Variants in URB1 observed in about 807,000 individuals in gnomAD.
URB1 encodes nucleolar pre-ribosomal-associated protein 1.
Under a neutral mutation model 242.3 loss-of-function variants are expected in URB1, and 197 were observed. That is an observed-to-expected ratio of 0.81 (90% CI 0.72 to 0.91). The LOEUF (loss-of-function observed/expected upper bound fraction) is 0.91. Ranked by LOEUF, URB1 falls within the 40% of genes least tolerant of loss-of-function variation. The pLI, the probability that URB1 is intolerant of heterozygous loss-of-function variation, is 0.00. For missense variants in URB1, 2,721 were observed against 2,860.5 expected, an observed-to-expected ratio of 0.95 and a Z score of 1.11; for synonymous variants, 1,153 against 1,201.8, an observed-to-expected ratio of 0.96 and a Z score of 0.84.
intron 4 of URB1, among the ~76,000 whole-genome samples, chr21:32,381,660 T>C (rs1383472389): frequency 6.6e-6 from 1 of 152,212 alleles, no homozygotes; most frequent in African/African-American, 2.4e-5. Context: ...TAATAGATGA[T>C]AGTGAGAAAT....
Position 32,337,103 on chromosome 21 carries a change from A to G in URB1, c.4676T>C (p.Ile1559Thr), listed in dbSNP as rs1408107620. ...RAYEQNKLSL[I>T]NFRVLLWGPA... is the part of the protein sequence containing the mutation. Reference sequence around the variant, plus strand: ...CTAGCCCAACACTCACCTGAAGTTGATGAGGCTGAGCTTGTTCTGCTCATA... The same window carrying G: ...CTAGCCCAACACTCACCTGAAGTTGGTGAGGCTGAGCTTGTTCTGCTCATA... The change falls in exon 28 of 39, where the codon ATC (isoleucine) becomes ACC (threonine). Residue 1559 changes from isoleucine (I) to threonine (T), a missense_variant. Transcript: ENST00000382751. The G allele has an allele frequency of 1.9e-6, 3 of 1,551,872 alleles. 1 individual carries two copies. The East Asian group carries it at 7.3e-5, about 38-fold the overall frequency.
intron 25 of URB1, among the ~76,000 whole-genome samples, chr21:32,341,118 A>G (rs1214306648): frequency 2.0e-5 from 3 of 152,234 alleles, no homozygotes; most frequent in Non-Finnish European, 2.9e-5. Flanking sequence ...TGACGAGACA[A>G]AGCAGAACCT....
intron 18 of URB1, among the ~76,000 whole-genome samples, chr21:32,353,159 C>T (rs1046180720): frequency 6.6e-6 from 1 of 152,164 alleles, no homozygotes; most frequent in Admixed American, 6.5e-5. Flanking sequence ...TGTAAAAGGC[C>T]AGGCAAAAGC....
intron 18 of URB1, among the ~76,000 whole-genome samples, chr21:32,353,714 C>T (rs2833782): frequency 0.22 from 33,663 of 152,142 alleles, 6,197 homozygotes; most frequent in African/African-American, 0.51. Flanking sequence ...TTCAGACTCA[C>T]GCTCAAATGA....
chr21:32,329,495 ATG>A (rs2032869956), intron 30 of URB1, among the ~76,000 whole-genome samples: 1 of 152,200 alleles, frequency 6.6e-6, no homozygotes, highest in Non-Finnish European at 1.5e-5. Flanking sequence ...GCCTTGTGGC[ATG>A]TGTGAATTAT....
Position 32,312,142 on chromosome 21 carries a change from C to T in URB1, c.*2776G>A. 1.3e-6 allele frequency: 2 copies of T among 1,535,378 alleles called. No individual in the cohort carries two copies. The highest frequency in any genetic ancestry group is 2.4e-5 in the South Asian group (2 of 83,712). ...GCAACTAGAGCAGGAGCATCCTATG[C>T]CTTTGACAAAGATTGCAGTGGCCCC... is the stretch of plus-strand genomic sequence containing the variant. On this transcript the variant is annotated 3_prime_UTR_variant, in exon 39 of 39. Coordinates refer to ENST00000382751, the MANE Select transcript of URB1 (RefSeq NM_014825.3).
intron 25 of URB1, among the ~76,000 whole-genome samples, chr21:32,339,775 G>C (rs1426495422): frequency 6.6e-6 from 1 of 152,228 alleles, no homozygotes; most frequent in Non-Finnish European, 1.5e-5. Context: ...ACAGGCGTGA[G>C]CCACTGAGCC....
In URB1 at chr21:32,321,942, T is replaced by C. The variant is rs2032772463; in HGVS notation, c.5343A>G (p.Gln1781=). The C allele has an allele frequency of 6.4e-7, 1 of 1,551,374 alleles. No individual in the cohort carries two copies. Among genetic ancestry groups the C allele is most frequent in the South Asian group, 1.2e-5 (1 of 84,058 alleles). Residue 1781 remains glutamine, a splice_region_variant and synonymous_variant, in exon 34 of 39, where the codon CAA becomes CAG. Transcript: ENST00000382751. ...CAAACACCCACTTCTGCTCTGTTTT[T>C]TGCTATAACCCAGGCACACAAAAAA... ...YQFFYSSDFE[Q]KTEQKWVFGV... is the part of the protein sequence containing the mutation.
intron 30 of URB1, among the ~76,000 whole-genome samples, chr21:32,327,385 T>C (rs1032989031): frequency 6.6e-6 from 1 of 152,140 alleles, no homozygotes; most frequent in Non-Finnish European, 1.5e-5. Context: ...CATCAAAATC[T>C]TTCAAAAGTT....
chr21:32,338,902 T>C lies in URB1; in HGVS notation c.4317-2A>G. ...AATGTGTGGTCCTGGTACCGAAATC[T>C]AGGCGGCGAGAGTCAAAGGGAAAAG... On this transcript the variant is annotated splice_acceptor_variant, in intron 25 of 38. Coordinates refer to ENST00000382751, the MANE Select transcript of URB1 (RefSeq NM_014825.3). LOFTEE classifies it high-confidence loss of function. 1.3e-6 allele frequency: 2 copies of C among 1,532,226 alleles called. No individual in the cohort carries two copies. The highest frequency in any genetic ancestry group is 2.5e-5 in the East Asian group (1 of 40,410). 94.9% of individuals were successfully genotyped at this position (1,532,226 alleles called of 1,614,324 possible). A position where few individuals can be genotyped will look rare whatever the true frequency, so the allele number is the denominator to read the frequency against.
At chr21:32,320,867 C>G (rs1311747026) in intron 34 of URB1, among the ~76,000 whole-genome samples, 3 of 152,178 alleles carry the variant, frequency 2.0e-5, no homozygotes, top group Non-Finnish European at 4.4e-5. Context: ...CCCGGGGATC[C>G]CCACTTCCGT....
At chr21:32,384,180 C>A in intron 3 of URB1, 133 bp downstream of exon 3, 5 of 1,138,910 alleles carry the variant, frequency 4.4e-6, no homozygotes, top group Non-Finnish European at 4.9e-6. Flanking sequence ...GGCAGAGACT[C>A]GGTCACTGTG....
chr21:32,392,810 C>A lies in URB1; in HGVS notation c.101G>T (p.Arg34Leu), dbSNP rs768388177. The change falls in exon 1 of 39, where the codon CGG becomes CTG. Residue 34 changes from arginine (R) to leucine (L), a missense_variant. By Grantham distance (102) the Arg-to-Leu change is moderately radical. Transcript: ENST00000382751. Reference protein sequence around the residue: ...RARKEELTGVRFKAQLKDPQG... With the variant: ...RARKEELTGVLFKAQLKDPQG... ...CGGGTCCTTCAGCTGAGCCTTGAACCGCACGCCCGTGAGCTCTTCTTTGCG... is the reference window on the plus strand; with the variant it reads ...CGGGTCCTTCAGCTGAGCCTTGAACAGCACGCCCGTGAGCTCTTCTTTGCG... 1.3e-6 allele frequency: 2 copies of A among 1,530,174 alleles called. No individual in the cohort carries two copies. The highest frequency in any genetic ancestry group is 1.2e-5 in the South Asian group (1 of 82,980). The allele number at this position is 1,530,174 out of a possible 1,614,324, so 94.8% of individuals were successfully genotyped here. A position where few individuals can be genotyped will look rare whatever the true frequency, so the allele number is the denominator to read the frequency against.
chr21:32,350,894 G>A lies in URB1; in HGVS notation c.2642C>T (p.Pro881Leu), dbSNP rs899658461. 6.5e-7 allele frequency: 1 copy of A among 1,548,968 alleles called. No individual in the cohort carries two copies. The highest frequency in any genetic ancestry group is 8.7e-7 in the Non-Finnish European group (1 of 1,146,974). Reference protein sequence around the residue: ...WLLQAQGSPSPPALPLASSFT... With the variant: ...WLLQAQGSPSLPALPLASSFT... ...GGACGAGGCCAAGGGAAGGGCAGGG[G>A]GCGAGGGGCTGCCCTGTGCCTGCAG... The change falls in exon 20 of 39, where the codon CCC (proline) becomes CTC (leucine). Residue 881 changes from proline to leucine, a missense_variant. Pro to Leu is a moderately conservative substitution (Grantham distance 98). Coordinates refer to ENST00000382751, the MANE Select transcript of URB1 (RefSeq NM_014825.3).
At chr21:32,340,250 C>A (rs555387447) in intron 25 of URB1, among the ~76,000 whole-genome samples, 1 of 152,222 alleles carries the variant, frequency 6.6e-6, no homozygotes, top group East Asian at 1.9e-4. Flanking sequence ...AACTGAAGAG[C>A]TGGAATGTAT....
chr21:32,317,880 C>T lies in URB1; in HGVS notation c.5830G>A (p.Gly1944Arg), dbSNP rs1459940013. ...LAPVQLTNFF[G>R]TLDSVLRYRA... ...TACCTCAGCACGGAGTCAAGTGTCCCGAAGAAGTTGGTCAGCTGGACGGGG... is the reference window on the plus strand; with the variant it reads ...TACCTCAGCACGGAGTCAAGTGTCCTGAAGAAGTTGGTCAGCTGGACGGGG... The change falls in exon 37 of 39, where the codon GGG becomes AGG. Residue 1944 changes from glycine (G) to arginine (R), a missense_variant. By Grantham distance (125) the Gly-to-Arg change is moderately radical. Transcript: ENST00000382751. 1.4e-5 allele frequency: 22 copies of T among 1,551,560 alleles called. No homozygotes were observed. The highest frequency in any genetic ancestry group is 2.4e-5 in the South Asian group (2 of 84,038).
At chr21:32,345,001 TC>T (rs2033069878) in intron 23 of URB1, among the ~76,000 whole-genome samples, 1 of 152,182 alleles carries the variant, frequency 6.6e-6, no homozygotes, top group African/African-American at 2.4e-5. Context: ...CCAGACTTTT[TC>T]TAAATCAGGG....
intron 30 of URB1, among the ~76,000 whole-genome samples, chr21:32,330,312 C>T (rs1696464064): frequency 7.0e-6 from 1 of 142,720 alleles, no homozygotes; most frequent in South Asian, 2.2e-4. Flanking sequence ...TATTGCAATT[C>T]CTTTTCAAAT....
chr21:32,328,723 C>T (rs375332741), intron 30 of URB1, among the ~76,000 whole-genome samples: 68 of 152,288 alleles, frequency 4.5e-4, no homozygotes, highest in African/African-American at 1.6e-3. Context: ...GGATTTTCCA[C>T]GTGTCCATGA....
Sources: gnomAD v4.1 joint callset for allele counts (sites outside exome capture counted in the v4.1 genomes callset) on GRCh38, gnomAD v4.1.1 for gene constraint, MANE v1.5 for transcripts, NCBI Gene and HGNC (gene_info 2026-07-23, HGNC 2026-07-21) for gene names.